The following IGF1 variants were observed in gnomAD, a reference collection of about 807,000 sequenced individuals.
The protein encoded by IGF1 is insulin-like growth factor 1.
In IGF1, 4 loss-of-function variants were observed where a neutral mutation model predicts 13.8. The observed-to-expected ratio is 0.29, with a 90% CI of 0.14 to 0.66. IGF1 has a LOEUF of 0.66. Among genes scored for constraint, IGF1 ranks in the 30% least tolerant of loss-of-function variants. The pLI, the probability that IGF1 is intolerant of heterozygous loss-of-function variation, is 0.78. For synonymous variants in IGF1, 76 were observed against 72.6 expected (o/e 1.05, Z -0.23); for missense variants, 124 against 188.5 (o/e 0.66, Z 2.00).
intron 2 of IGF1, among the ~76,000 whole-genome samples, chr12:102,424,772 G>A (rs1876051272): frequency 6.6e-6 from 1 of 152,022 alleles, no homozygotes; most frequent in African/African-American, 2.4e-5. Flanking sequence ...TCTAATATAA[G>A]GAAAATTGTG....
At chr12:102,435,950 T>C (rs1258548978) in intron 2 of IGF1, among the ~76,000 whole-genome samples, 2 of 152,222 alleles carry the variant, frequency 1.3e-5, no homozygotes, top group Non-Finnish European at 2.9e-5. Flanking sequence ...TATGTGTGTA[T>C]ATAATATACG....
intron 2 of IGF1, among the ~76,000 whole-genome samples, chr12:102,469,646 C>T (rs1250623484): frequency 6.6e-6 from 1 of 152,104 alleles, no homozygotes; most frequent in Non-Finnish European, 1.5e-5. Flanking sequence ...AATTTAGTCA[C>T]CCTGGGATTC....
At position 102,432,796 on chromosome 12, in the gene IGF1, A is replaced by T. The variant is rs1690328009; in HGVS notation, c.221-13106T>A. Among the ~76,000 whole-genome samples, 4 of 152,348 alleles carry T rather than the reference A, an allele frequency of 2.6e-5. No homozygotes were observed. The South Asian group carries it at 8.3e-4, about 32-fold the overall frequency. ...TCACCAAGTACTTGTATACATATGT[A>T]ACTAACCTGCACGTTGTGCACATGT... On this transcript the variant is annotated intron_variant, in intron 2 of 3. Coordinates refer to ENST00000337514, the MANE Select transcript of IGF1 (RefSeq NM_000618.5).
At chr12:102,479,976 G>GAA (rs5800512) in intron 1 of IGF1, among the ~76,000 whole-genome samples, 5,184 of 149,820 alleles carry the variant, frequency 0.035, 367 homozygotes, top group East Asian at 0.3. Flanking sequence ...ACCTGCAAAA[G>GAA]AAAAAAAAAA....
At chr12:102,465,930 CTG>C (rs535607822) in intron 2 of IGF1, among the ~76,000 whole-genome samples, 239 of 140,398 alleles carry the variant, frequency 1.7e-3, no homozygotes, top group Non-Finnish European at 2.8e-3. Context: ...GAGCAAGACT[CTG>C]TTTCAAATAA....
chr12:102,431,598 A>G (rs1050925565), intron 2 of IGF1, among the ~76,000 whole-genome samples: 13 of 152,306 alleles, frequency 8.5e-5, no homozygotes, highest in Admixed American at 1.3e-4. Flanking sequence ...ACATCTAGTA[A>G]GCTGCAAAGC....
At chr12:102,442,410 A>G (rs1011620716) in intron 2 of IGF1, among the ~76,000 whole-genome samples, 1 of 152,148 alleles carries the variant, frequency 6.6e-6, no homozygotes, top group Non-Finnish European at 1.5e-5. Context: ...TTGATATGAC[A>G]TAGTGGGTGA....
At chr12:102,424,363 T>C (rs1876020818) in intron 2 of IGF1, among the ~76,000 whole-genome samples, 1 of 151,958 alleles carries the variant, frequency 6.6e-6, no homozygotes, top group Non-Finnish European at 1.5e-5. Context: ...TATTAGCTAA[T>C]AAAAATGAAC....
intron 3 of IGF1, among the ~76,000 whole-genome samples, chr12:102,408,406 G>A (rs1041649953): frequency 1.3e-5 from 2 of 152,202 alleles, no homozygotes; most frequent in African/African-American, 4.8e-5. Context: ...CGAGGGTCAT[G>A]CGATCTACTC....
intron 2 of IGF1, among the ~76,000 whole-genome samples, chr12:102,469,660 C>G (rs375378356): frequency 6.6e-6 from 1 of 152,126 alleles, no homozygotes; most frequent in Non-Finnish European, 1.5e-5. Flanking sequence ...GGGATTCTTG[C>G]TCCTTATCTC....
chr12:102,475,531 G>C (rs1592837242), intron 2 of IGF1, 112 bp downstream of exon 2: 1 of 1,236,080 alleles, frequency 8.1e-7, no homozygotes, highest in Non-Finnish European at 1.2e-6. Context: ...GGCCTAGGAT[G>C]GCTGCCAGAT....
chr12:102,413,234 A>G (rs1874797002), intron 3 of IGF1, among the ~76,000 whole-genome samples: 1 of 152,200 alleles, frequency 6.6e-6, no homozygotes, highest in Admixed American at 6.5e-5. Context: ...CCCTTTAACT[A>G]GAGACTATCA....
At chr12:102,426,082 ATTT>A (rs1876176485) in intron 2 of IGF1, among the ~76,000 whole-genome samples, 2 of 152,212 alleles carry the variant, frequency 1.3e-5, no homozygotes, top group African/African-American at 4.8e-5. Flanking sequence ...TGTTTGTATT[ATTT>A]AGAACATATT....
intron 2 of IGF1, among the ~76,000 whole-genome samples, chr12:102,452,624 C>G (rs546542178): frequency 1.3e-5 from 2 of 152,326 alleles, no homozygotes; most frequent in South Asian, 4.1e-4. Context: ...TTCCAGAAGG[C>G]ATGGTGCTCC....
At chr12:102,408,652 T>C (rs1874376021) in intron 3 of IGF1, among the ~76,000 whole-genome samples, 1 of 152,118 alleles carries the variant, frequency 6.6e-6, no homozygotes, top group Non-Finnish European at 1.5e-5. Context: ...CTCTAGTGGA[T>C]TGGAACAGGG....
intron 2 of IGF1, among the ~76,000 whole-genome samples, chr12:102,455,562 G>C (rs952423611): frequency 1.3e-5 from 2 of 152,154 alleles, no homozygotes; most frequent in African/African-American, 4.8e-5. Flanking sequence ...TGGGGGAGGA[G>C]TTCCACACAG....
chr12:102,430,708 T>G (rs1286952484), intron 2 of IGF1, among the ~76,000 whole-genome samples: 1 of 152,250 alleles, frequency 6.6e-6, no homozygotes, highest in Non-Finnish European at 1.5e-5. Flanking sequence ...CTTGTTCATC[T>G]TCTCCTCTTC....
At chr12:102,418,189 C>G (rs964901222) in intron 3 of IGF1, among the ~76,000 whole-genome samples, 1 of 152,218 alleles carries the variant, frequency 6.6e-6, no homozygotes, top group Admixed American at 6.5e-5. Flanking sequence ...ACACCTACCC[C>G]CTCCCCAGTT....
At chr12:102,407,541 A>T (rs1288330708) in intron 3 of IGF1, among the ~76,000 whole-genome samples, 1 of 152,204 alleles carries the variant, frequency 6.6e-6, no homozygotes, top group East Asian at 1.9e-4. Flanking sequence ...TGGAGATGTA[A>T]TAGTGGTTGG....
Sources: gnomAD v4.1 joint callset for allele counts (sites outside exome capture counted in the v4.1 genomes callset) on GRCh38, gnomAD v4.1.1 for gene constraint, MANE v1.5 for transcripts, NCBI Gene and HGNC (gene_info 2026-07-23, HGNC 2026-07-21) for gene names.